Variants in PRDM6 observed in about 807,000 individuals in gnomAD.
PRDM6 encodes the protein putative histone-lysine N-methyltransferase PRDM6.
Under a neutral mutation model 60.8 loss-of-function variants are expected in PRDM6, and 25 were observed. That is an observed-to-expected ratio of 0.41 (90% CI 0.30 to 0.57). The LOEUF (loss-of-function observed/expected upper bound fraction) is 0.57. Ranked by LOEUF, PRDM6 falls within the 20% of genes least tolerant of loss-of-function variation. The pLI, the probability that PRDM6 is intolerant of heterozygous loss-of-function variation, is 0.27. For synonymous variants in PRDM6, 407 were observed against 357.4 expected, an observed-to-expected ratio of 1.14 and a Z score of -1.57; for missense variants, 839 against 821.3, an observed-to-expected ratio of 1.02 and a Z score of -0.26.
At chr5:123,130,828 A>C (rs1007281878) in intron 3 of PRDM6, among the ~76,000 whole-genome samples, 1 of 152,172 alleles carries the variant, frequency 6.6e-6, no homozygotes, top group Non-Finnish European at 1.5e-5. Context: ...CGGCCTCCCA[A>C]AGTGCTGGGA....
chr5:123,185,895 G>A (rs1766277284), intron 7 of PRDM6, among the ~76,000 whole-genome samples: 1 of 152,256 alleles, frequency 6.6e-6, no homozygotes, highest in African/African-American at 2.4e-5. Context: ...TGATAAGGCA[G>A]GGAGACTATG....
rs138619125 is a variant in PRDM6, at chr5:123,122,164, C to CA, written c.900+22225dup. Reference sequence around the variant, plus strand: ...GGCGACAGTGCGAGACTCCATCTGACAAAAAAAAAAAAAAAAAAAAAAGAA... The same window carrying CA: ...GGCGACAGTGCGAGACTCCATCTGACAAAAAAAAAAAAAAAAAAAAAAAGAA... On this transcript the variant is annotated intron_variant, in intron 3 of 7. Coordinates refer to ENST00000407847, the MANE Select transcript of PRDM6 (RefSeq NM_001136239.4). 2.3e-3 allele frequency among the ~76,000 whole-genome samples: 223 copies of CA among 98,902 alleles called. 25 individuals carry two copies. Among genetic ancestry groups the CA allele is most frequent in the African/African-American group, 4.3e-3 (109 of 25,300 alleles). 64.9% of individuals were successfully genotyped at this position (98,902 alleles called of 152,430 possible). A position where few individuals can be genotyped will look rare whatever the true frequency, so the allele number is the denominator to read the frequency against.
At chr5:123,125,210 A>T (rs569600234) in intron 3 of PRDM6, among the ~76,000 whole-genome samples, 10 of 149,844 alleles carry the variant, frequency 6.7e-5, no homozygotes, top group African/African-American at 1.7e-4. Context: ...GCCACAGTGC[A>T]TAGATCCCAG....
chr5:123,172,251 A>G (rs1237713242), intron 6 of PRDM6, among the ~76,000 whole-genome samples: 2 of 152,216 alleles, frequency 1.3e-5, no homozygotes, highest in African/African-American at 4.8e-5. Flanking sequence ...TTGTAAAATA[A>G]TAATAATCAA....
intron 4 of PRDM6, among the ~76,000 whole-genome samples, chr5:123,157,688 T>C (rs1027991309): frequency 3.9e-5 from 6 of 152,218 alleles, no homozygotes; most frequent in Admixed American, 3.3e-4. Context: ...AGTTGGACCC[T>C]GAAGAGCCAG....
intron 3 of PRDM6, among the ~76,000 whole-genome samples, chr5:123,138,875 A>G (rs1337995949): frequency 2.0e-5 from 3 of 152,162 alleles, no homozygotes; most frequent in Non-Finnish European, 4.4e-5. Context: ...TTTAAAGTAC[A>G]TGATATGGTT....
At chr5:123,141,371 A>G (rs571612523) in intron 3 of PRDM6, among the ~76,000 whole-genome samples, 2 of 152,210 alleles carry the variant, frequency 1.3e-5, no homozygotes, top group East Asian at 3.9e-4. Flanking sequence ...ATATAATTAA[A>G]GCAATTGTAT....
intron 3 of PRDM6, among the ~76,000 whole-genome samples, chr5:123,147,309 A>G (rs961058071): frequency 2.4e-5 from 3 of 125,238 alleles, no homozygotes; most frequent in African/African-American, 9.2e-5. Context: ...GAGAGAGAGA[A>G]AACGAACAAG....
chr5:123,180,457 C>T (rs187471625), intron 7 of PRDM6, 134 bp downstream of exon 7: 173 of 900,376 alleles, frequency 1.9e-4, no homozygotes, highest in Non-Finnish European at 2.5e-4. Context: ...AGGCTGCAAA[C>T]GAATCTCTCC....
At chr5:123,161,475 A>G (rs1307430411) in intron 5 of PRDM6, among the ~76,000 whole-genome samples, 1 of 152,106 alleles carries the variant, frequency 6.6e-6, no homozygotes, top group African/African-American at 2.4e-5. Flanking sequence ...TGGGAGTTAC[A>G]GTTTCAGAGA....
chr5:123,116,859 C>T (rs545403307), intron 3 of PRDM6, among the ~76,000 whole-genome samples: 127 of 152,268 alleles, frequency 8.3e-4, no homozygotes, highest in African/African-American at 3.0e-3. Flanking sequence ...TAGATAATTG[C>T]TGAAATATTT....
At chr5:123,116,819 A>G (rs1764460390) in intron 3 of PRDM6, among the ~76,000 whole-genome samples, 1 of 152,228 alleles carries the variant, frequency 6.6e-6, no homozygotes, top group South Asian at 2.1e-4. Flanking sequence ...GAGAAATAGT[A>G]AGGAAATGCC....
At chr5:123,108,595 C>T (rs1764243879) in intron 3 of PRDM6, among the ~76,000 whole-genome samples, 1 of 152,050 alleles carries the variant, frequency 6.6e-6, no homozygotes, top group African/African-American at 2.4e-5. Flanking sequence ...AAGGAAAGCA[C>T]TTAATTTCAA....
At chr5:123,158,847 T>TA (rs1326173316) in intron 4 of PRDM6, among the ~76,000 whole-genome samples, 1 of 152,160 alleles carries the variant, frequency 6.6e-6, no homozygotes, top group Admixed American at 6.5e-5. Flanking sequence ...GTTTTTTTTT[T>TA]ACAGTACCAA....
At chr5:123,174,059 A>C (rs1765952938) in intron 6 of PRDM6, among the ~76,000 whole-genome samples, 1 of 152,166 alleles carries the variant, frequency 6.6e-6, no homozygotes, top group East Asian at 1.9e-4. Context: ...CCTTGTCCAA[A>C]ATTCTTGGGA....
chr5:123,136,505 A>C (rs1764956607), intron 3 of PRDM6, among the ~76,000 whole-genome samples: 1 of 152,206 alleles, frequency 6.6e-6, no homozygotes, highest in Non-Finnish European at 1.5e-5. Context: ...AAGAAAAAAT[A>C]ACTTAATTAG....
At chr5:123,128,938 G>A (rs936300972) in intron 3 of PRDM6, among the ~76,000 whole-genome samples, 1 of 152,174 alleles carries the variant, frequency 6.6e-6, no homozygotes, top group African/African-American at 2.4e-5. Flanking sequence ...ATTAATTTTT[G>A]TATAAGGTGT....
chr5:123,133,581 C>G (rs1266449653), intron 3 of PRDM6, among the ~76,000 whole-genome samples: 1 of 152,060 alleles, frequency 6.6e-6, no homozygotes, highest in Non-Finnish European at 1.5e-5. Context: ...CTGATATTTA[C>G]AAAATCTATT....
At chr5:123,131,448 A>G (rs1764832459) in intron 3 of PRDM6, among the ~76,000 whole-genome samples, 1 of 152,298 alleles carries the variant, frequency 6.6e-6, no homozygotes, top group African/African-American at 2.4e-5. Flanking sequence ...TATTCTATAA[A>G]TATGTACCAG....
Sources: gnomAD v4.1 joint callset for allele counts (sites outside exome capture counted in the v4.1 genomes callset) on GRCh38, gnomAD v4.1.1 for gene constraint, MANE v1.5 for transcripts, NCBI Gene and HGNC (gene_info 2026-07-23, HGNC 2026-07-21) for gene names.